KCNK13: variants seen among roughly 807,000 people sequenced by gnomAD.
KCNK13 encodes potassium two pore domain channel subfamily K member 13.
A neutral mutation model predicts 23.4 loss-of-function variants in KCNK13; 12 were observed. The observed-to-expected ratio is 0.51, with a 90% CI of 0.33 to 0.83. The LOEUF (loss-of-function observed/expected upper bound fraction) is 0.83. Among genes scored for constraint, KCNK13 ranks in the 40% least tolerant of loss-of-function variants. The probability of loss-of-function intolerance (pLI) is 0.02; values close to 1 mark genes in which losing one functional copy is unlikely to be tolerated. For missense variants in KCNK13, 463 were observed against 556.3 expected, an observed-to-expected ratio of 0.83 and a Z score of 1.69; for synonymous variants, 231 against 229.5, an observed-to-expected ratio of 1.01 and a Z score of -0.06.
At chr14:90,152,535 CA>C (rs901017512) in intron 1 of KCNK13, among the ~76,000 whole-genome samples, 12 of 148,082 alleles carry the variant, frequency 8.1e-5, no homozygotes, top group African/African-American at 1.7e-4. Flanking sequence ...AACTCCATCT[CA>C]AAAAAAAAAG....
Position 90,062,441 on chromosome 14 carries a change from A to G in KCNK13, c.236A>G (p.Glu79Gly). 1 of 1,547,450 alleles carries G rather than the reference A, an allele frequency of 6.5e-7. No homozygotes were observed. The highest frequency in any genetic ancestry group is 8.7e-7 in the Non-Finnish European group (1 of 1,146,226). ...DELRGFLRHYEEATRAGIRVD... is the reference protein window; with the variant it reads ...DELRGFLRHYGEATRAGIRVD... ...CTGCGCGGCTTCCTCCGCCACTACG[A>G]GGAGGCCACTCGGGCCGGCATCCGC... Residue 79 changes from glutamate to glycine, a missense_variant, in exon 1 of 2, where the codon GAG (glutamate) becomes GGG (glycine). Around this residue, in one of 3 missense-constraint regions of KCNK13, gnomAD observed 153 missense variants for 153.6 expected, o/e 1.00. Transcript: ENST00000282146. This position sits in a 1 kb window ranked among gnomAD's most constrained non-coding sequence, Gnocchi z 4.5.
In KCNK13 at chr14:90,089,439, G is replaced by A. The variant is rs1265155415; in HGVS notation, c.334+26900G>A. On this transcript the variant is annotated intron_variant, in intron 1 of 1. Transcript: ENST00000282146. ...GCAAAAGAAATCTCTAAGCAGCAAG[G>A]CATTCAAGAGGTGCTATTGAAGGTG... is the stretch of plus-strand genomic sequence containing the variant. Among the ~76,000 whole-genome samples the A allele has an allele frequency of 5.9e-5, 9 of 152,316 alleles. No individual in the cohort carries two copies. The East Asian group carries it at 1.2e-3, about 20-fold the overall frequency.
chr14:90,158,263 A>G (rs545233432), intron 1 of KCNK13, among the ~76,000 whole-genome samples: 1 of 152,330 alleles, frequency 6.6e-6, no homozygotes, highest in Non-Finnish European at 1.5e-5. Context: ...CTGACAAGAC[A>G]TGGCCCCAGG....
intron 1 of KCNK13, among the ~76,000 whole-genome samples, chr14:90,135,953 C>T (rs1889931284): frequency 6.6e-6 from 1 of 151,906 alleles, no homozygotes; most frequent in Admixed American, 6.6e-5. Flanking sequence ...ATAAAGAAAA[C>T]TCACTTCACA....
intron 1 of KCNK13, among the ~76,000 whole-genome samples, chr14:90,141,277 C>A (rs1169955357): frequency 6.6e-6 from 1 of 152,226 alleles, no homozygotes; most frequent in Non-Finnish European, 1.5e-5. Flanking sequence ...AACCATAGCT[C>A]TTATTTCTTG....
intron 1 of KCNK13, among the ~76,000 whole-genome samples, chr14:90,083,627 CCTT>C (rs1259349981): frequency 6.6e-6 from 1 of 152,228 alleles, no homozygotes; most frequent in Non-Finnish European, 1.5e-5. Context: ...TGTTTGGCCT[CCTT>C]CTCTCTCTCC....
chr14:90,108,082 G>T, intron 1 of KCNK13: 2 of 504,704 alleles, frequency 4.0e-6, no homozygotes, highest in South Asian at 2.2e-5. Flanking sequence ...GGATGAATTT[G>T]GGGGGCACAA....
At chr14:90,124,431 A>C (rs1227078905) in intron 1 of KCNK13, among the ~76,000 whole-genome samples, 1 of 152,256 alleles carries the variant, frequency 6.6e-6, no homozygotes, top group African/African-American at 2.4e-5. Flanking sequence ...GGTCGGAGAA[A>C]TATAATAAAG....
intron 1 of KCNK13, among the ~76,000 whole-genome samples, chr14:90,155,714 C>A (rs981665428): frequency 2.0e-5 from 3 of 152,020 alleles, no homozygotes; most frequent in African/African-American, 2.4e-5. Context: ...TAGTCCTCAA[C>A]AACTGGAAGG....
chr14:90,149,406 G>A (rs1890109836), intron 1 of KCNK13, among the ~76,000 whole-genome samples: 4 of 152,202 alleles, frequency 2.6e-5, no homozygotes, highest in Admixed American at 2.6e-4. Flanking sequence ...GTTCCCCATA[G>A]CTTGGGAGGC....
chr14:90,118,060 G>A (rs1484191017), intron 1 of KCNK13, among the ~76,000 whole-genome samples: 2 of 152,208 alleles, frequency 1.3e-5, no homozygotes, highest in Non-Finnish European at 2.9e-5. Flanking sequence ...CAGCAAGTAA[G>A]AAGAACATTG....
chr14:90,082,844 C>A (rs1226643337), intron 1 of KCNK13, among the ~76,000 whole-genome samples: 3 of 152,156 alleles, frequency 2.0e-5, no homozygotes, highest in South Asian at 4.1e-4. Context: ...TGTAGTAACC[C>A]TATTCTTTAT....
chr14:90,063,461 C>T (rs1249142431), intron 1 of KCNK13, among the ~76,000 whole-genome samples: 3 of 151,860 alleles, frequency 2.0e-5, no homozygotes, highest in Non-Finnish European at 2.9e-5. Flanking sequence ...GAAGAATAAT[C>T]AAGTGATTAA....
At chr14:90,146,028 G>A (rs1364309953) in intron 1 of KCNK13, among the ~76,000 whole-genome samples, 1 of 152,090 alleles carries the variant, frequency 6.6e-6, no homozygotes, top group Admixed American at 6.6e-5. Flanking sequence ...AAATACGAAA[G>A]TGAGAGAGAG....
At chr14:90,066,141 T>TTA (rs1439988886) in intron 1 of KCNK13, among the ~76,000 whole-genome samples, 1 of 145,748 alleles carries the variant, frequency 6.9e-6, no homozygotes, top group Non-Finnish European at 1.5e-5. Flanking sequence ...TTTTTGTATT[T>TTA]TTTTTTTTTT....
At chr14:90,129,090 A>C (rs1215262918) in intron 1 of KCNK13, among the ~76,000 whole-genome samples, 1 of 152,222 alleles carries the variant, frequency 6.6e-6, no homozygotes, top group Non-Finnish European at 1.5e-5. Context: ...GAGATTACAA[A>C]AGAAGCAGCA....
intron 1 of KCNK13, among the ~76,000 whole-genome samples, chr14:90,108,471 G>T (rs1442811021): frequency 1.3e-5 from 2 of 152,108 alleles, no homozygotes; most frequent in African/African-American, 4.8e-5. Context: ...TATTTTGAAT[G>T]TGTTCTTTCA....
intron 1 of KCNK13, among the ~76,000 whole-genome samples, chr14:90,071,079 C>A (rs1889069013): frequency 6.6e-6 from 1 of 152,158 alleles, no homozygotes; most frequent in African/African-American, 2.4e-5. Flanking sequence ...TAGCCCATTG[C>A]ATTAGAAATT....
At chr14:90,085,225 G>A (rs1889258008) in intron 1 of KCNK13, among the ~76,000 whole-genome samples, 1 of 152,032 alleles carries the variant, frequency 6.6e-6, no homozygotes, top group Admixed American at 6.6e-5. Context: ...GATTACAGGT[G>A]TGAGCCACTG....
Sources: gnomAD v4.1 joint callset for allele counts (sites outside exome capture counted in the v4.1 genomes callset) on GRCh38, gnomAD v4.1.1 for gene constraint, gnomAD v4.1.1 regional missense constraint, Gnocchi (gnomAD v3.1) non-coding constraint, MANE v1.5 for transcripts, NCBI Gene and HGNC (gene_info 2026-07-23, HGNC 2026-07-21) for gene names.